Variants in LOC122539214 observed in about 807,000 individuals in gnomAD.
At chr19:52,682,343 C>T in the LOC122539214 span, among the ~76,000 whole-genome samples, 1 of 152,046 alleles carries the variant, frequency 6.6e-6, no homozygotes, top group African/African-American at 2.4e-5. Context: ...TATGATTGCA[C>T]CACTGCACTT....
the LOC122539214 span, among the ~76,000 whole-genome samples, chr19:52,670,923 A>G: frequency 5.9e-5 from 9 of 152,246 alleles, no homozygotes; most frequent in Non-Finnish European, 2.9e-5. Flanking sequence ...TTGGAGACCA[A>G]GGTTCTTTTG....
chr19:52,677,144 GA>G, the LOC122539214 span, among the ~76,000 whole-genome samples: 2 of 130,128 alleles, frequency 1.5e-5, no homozygotes, highest in East Asian at 2.1e-4. Context: ...AAGAAAAAAA[GA>G]AAAAAAAATA....
chr19:52,683,139 G>A, the LOC122539214 span, among the ~76,000 whole-genome samples: 1 of 152,062 alleles, frequency 6.6e-6, no homozygotes, highest in African/African-American at 2.4e-5. Context: ...CAAAGTGCTG[G>A]CATTACAGGG....
At chr19:52,655,598 G>C in the LOC122539214 span, 8 of 1,503,740 alleles carry the variant, frequency 5.3e-6, no homozygotes, top group South Asian at 9.0e-5. Flanking sequence ...CCAACATCAC[G>C]GCCCTGTATA....
chr19:52,678,465 G>A, the LOC122539214 span, among the ~76,000 whole-genome samples: 39 of 121,014 alleles, frequency 3.2e-4, no homozygotes, highest in South Asian at 8.4e-4. Flanking sequence ...AAAAAAAAAA[G>A]AAAAAAGAAA....
the LOC122539214 span, chr19:52,653,996 G>A: frequency 1.1e-5 from 16 of 1,486,946 alleles, no homozygotes; most frequent in African/African-American, 5.5e-5. Flanking sequence ...TGGGTTTTGA[G>A]CCTACAAGAA....
chr19:52,672,959 A>T, the LOC122539214 span, among the ~76,000 whole-genome samples: 3 of 151,278 alleles, frequency 2.0e-5, no homozygotes, highest in Admixed American at 2.0e-4. Context: ...ATTATTTCAT[A>T]ACACAACAGA....
At chr19:52,655,473 G>T in the LOC122539214 span, 4 of 1,237,264 alleles carry the variant, frequency 3.2e-6, no homozygotes, top group Admixed American at 2.0e-5. Flanking sequence ...GCATGTATGC[G>T]GCAAAATCAC....
chr19:52,665,730 G>A, the LOC122539214 span, among the ~76,000 whole-genome samples: 4 of 152,124 alleles, frequency 2.6e-5, no homozygotes, highest in Admixed American at 2.0e-4. Context: ...CTTAGCCTGT[G>A]CGGTCTAATC....
At chr19:52,665,283 G>A in the LOC122539214 span, among the ~76,000 whole-genome samples, 2 of 152,096 alleles carry the variant, frequency 1.3e-5, 1 homozygote. Flanking sequence ...GGGTGGGGTG[G>A]TGGGAGCCAG....
chr19:52,656,234 A>ATC, the LOC122539214 span, among the ~76,000 whole-genome samples: 3 of 151,934 alleles, frequency 2.0e-5, no homozygotes, highest in African/African-American at 7.3e-5. Context: ...CTCTATATAT[A>ATC]TATATAGCCA....
the LOC122539214 span, among the ~76,000 whole-genome samples, chr19:52,669,436 G>C: frequency 6.6e-6 from 1 of 152,168 alleles, no homozygotes. Flanking sequence ...AATTACACTA[G>C]AGATGCTGTT....
At chr19:52,663,617 A>G in the LOC122539214 span, among the ~76,000 whole-genome samples, 1 of 152,258 alleles carries the variant, frequency 6.6e-6, no homozygotes, top group Admixed American at 6.5e-5. Flanking sequence ...TGATATCTTT[A>G]TTGAGTACAC....
chr19:52,676,171 C>T, the LOC122539214 span, among the ~76,000 whole-genome samples: 3 of 152,174 alleles, frequency 2.0e-5, no homozygotes, highest in Admixed American at 6.5e-5. Flanking sequence ...TTGGTGGAGA[C>T]GGGGTTTCGC....
At chr19:52,663,394 C>G in the LOC122539214 span, among the ~76,000 whole-genome samples, 1 of 152,188 alleles carries the variant, frequency 6.6e-6, no homozygotes, top group African/African-American at 2.4e-5. Context: ...ATGTTTTCTT[C>G]ATGAACACAT....
At chr19:52,688,950 GAAAAA>G in the LOC122539214 span, among the ~76,000 whole-genome samples, 2,867 of 126,748 alleles carry the variant, frequency 0.023, 60 homozygotes, top group African/African-American at 0.058. Context: ...AAGGTTGAAG[GAAAAA>G]AAAAAAAAAA....
At chr19:52,689,878 G>A in the LOC122539214 span, among the ~76,000 whole-genome samples, 1 of 152,240 alleles carries the variant, frequency 6.6e-6, no homozygotes, top group Non-Finnish European at 1.5e-5. Context: ...CGTGTCACAG[G>A]ACAGGCCCCG....
the LOC122539214 span, among the ~76,000 whole-genome samples, chr19:52,680,714 G>A: frequency 8.1e-5 from 11 of 135,192 alleles, no homozygotes; most frequent in Middle Eastern, 4.0e-3. Context: ...CCGGGTTCAC[G>A]CCATTCTCCT....
the LOC122539214 span, among the ~76,000 whole-genome samples, chr19:52,679,027 CA>C: frequency 6.6e-6 from 1 of 151,502 alleles, no homozygotes; most frequent in Non-Finnish European, 1.5e-5. Context: ...TTCAACCTCA[CA>C]AGCTCCCTTA....
Sources: allele counts gnomAD v4.1 joint callset (sites outside exome capture counted in the v4.1 genomes callset), GRCh38; gene constraint gnomAD v4.1.1; transcripts MANE v1.5.